Variants in ABR observed in about 807,000 individuals in gnomAD.
The protein encoded by ABR is active breakpoint cluster region-related protein.
In ABR, 35 loss-of-function variants were observed where a neutral mutation model predicts 107.2. That is an observed-to-expected ratio of 0.33 (90% CI 0.25 to 0.43). The LOEUF (loss-of-function observed/expected upper bound fraction) is 0.43. ABR is among the 20% of genes least tolerant of loss of function. The pLI, the probability that ABR is intolerant of heterozygous loss-of-function variation, is 1.00. For missense variants in ABR, 815 were observed against 1,115.2 expected, an observed-to-expected ratio of 0.73 and a Z score of 3.83; for synonymous variants, 498 against 462.0, an observed-to-expected ratio of 1.08 and a Z score of -1.00.
intron 1 of ABR, among the ~76,000 whole-genome samples, chr17:1,131,030 A>G (rs1342374370): frequency 6.7e-6 from 1 of 148,992 alleles, no homozygotes; most frequent in African/African-American, 2.6e-5. Flanking sequence ...AGCGCCTGAC[A>G]CGCACACAGC....
intron 16 of ABR, among the ~76,000 whole-genome samples, chr17:1,043,122 C>T (rs572740072): frequency 1.3e-4 from 20 of 152,306 alleles, no homozygotes; most frequent in African/African-American, 4.1e-4. Flanking sequence ...ACACTGGCAA[C>T]GGCTGCACAG....
Position 1,071,320 on chromosome 17 carries a change from GC to G in ABR, c.895-1231del, listed in dbSNP as rs1380671942. On this transcript the variant is annotated intron_variant, in intron 8 of 22. Coordinates refer to ENST00000302538, the MANE Select transcript of ABR (RefSeq NM_021962.5). The surrounding 1 kb of genome is among the most constrained non-coding windows in gnomAD (Gnocchi z 5.1). ...TCTCTGCCCAGTGGACACTGTCCAG[GC>G]CTGTCCCTCACCACTTTCTCCCCAG... Among the ~76,000 whole-genome samples the G allele has an allele frequency of 6.6e-6, 1 of 152,106 alleles. No homozygotes were observed. The highest frequency in any genetic ancestry group is 1.5e-5 in the Non-Finnish European group (1 of 68,012).
At chr17:1,161,486 T>C (rs1387449302) in intron 1 of ABR, among the ~76,000 whole-genome samples, 1 of 151,768 alleles carries the variant, frequency 6.6e-6, no homozygotes, top group African/African-American at 2.4e-5. Context: ...TCTCGAGCAA[T>C]CCTCCCATCT....
chr17:1,165,147 AGCTCCCG>A (rs770853859), intron 1 of ABR, among the ~76,000 whole-genome samples: 35 of 152,222 alleles, frequency 2.3e-4, no homozygotes, highest in African/African-American at 8.4e-4. Flanking sequence ...TCAAAGACCA[AGCTCCCG>A]GCCTGCAGAG....
intron 1 of ABR, among the ~76,000 whole-genome samples, chr17:1,221,874 AC>A (rs1321580310): frequency 1.3e-5 from 2 of 152,200 alleles, no homozygotes; most frequent in African/African-American, 4.8e-5. Flanking sequence ...AAGATGCAAA[AC>A]ACCTCTGGAG....
At chr17:1,090,357 G>A (rs766286640) in intron 4 of ABR, among the ~76,000 whole-genome samples, 8 of 151,974 alleles carry the variant, frequency 5.3e-5, no homozygotes, top group Admixed American at 6.6e-5. Flanking sequence ...TGAAGGGGCC[G>A]TCGAGGTTTC....
chr17:1,051,534 C>T lies in ABR; in HGVS notation c.1562-900G>A, dbSNP rs755820981. Among the ~76,000 whole-genome samples the T allele has an allele frequency of 7.2e-4, 110 of 152,312 alleles. 1 individual carries two copies. The highest frequency in any genetic ancestry group is 8.2e-4 in the Non-Finnish European group (56 of 68,016). On this transcript the variant is annotated intron_variant, in intron 14 of 22. Coordinates refer to ENST00000302538, the MANE Select transcript of ABR (RefSeq NM_021962.5). This position sits in a 1 kb window ranked among gnomAD's most constrained non-coding sequence, Gnocchi z 4.3. ...AACTGCTGAGGCCACAGCACCGGCA[C>T]GGACCCCAGGCCCTCTGCAAACCCA...
At chr17:1,169,127 G>C (rs1157212711) in intron 1 of ABR, among the ~76,000 whole-genome samples, 1 of 152,184 alleles carries the variant, frequency 6.6e-6, no homozygotes, top group African/African-American at 2.4e-5. Context: ...GGGAGGACGT[G>C]GGTTTTGTCT....
chr17:1,006,579 G>A (rs2070055337), intron 22 of ABR, among the ~76,000 whole-genome samples: 1 of 152,190 alleles, frequency 6.6e-6, no homozygotes, highest in African/African-American at 2.4e-5. Context: ...TCTGGGCCCT[G>A]GTCTAGGCTC....
intron 16 of ABR, among the ~76,000 whole-genome samples, chr17:1,021,664 C>T (rs1205141231): frequency 7.9e-5 from 12 of 151,090 alleles, no homozygotes; most frequent in East Asian, 2.0e-4. Flanking sequence ...ATTAGCCAGG[C>T]GTGGTGGCGG....
Position 1,157,531 on chromosome 17 carries a change from G to A in ABR, c.61+22136C>T, listed in dbSNP as rs552608967. Among the ~76,000 whole-genome samples the A allele has an allele frequency of 2.7e-4, 41 of 152,284 alleles. No individual in the cohort carries two copies. The highest frequency in any genetic ancestry group is 1.6e-3 in the Admixed American group (25 of 15,292). ...CTCCCAAAGTGCTGGGATTACAGGCGTGAGCCACCGCGCCCGACCTCAGTG... is the reference window on the plus strand; with the variant it reads ...CTCCCAAAGTGCTGGGATTACAGGCATGAGCCACCGCGCCCGACCTCAGTG... On this transcript the variant is annotated intron_variant, in intron 1 of 22. Coordinates refer to ENST00000302538, the MANE Select transcript of ABR (RefSeq NM_021962.5). This position sits in a 1 kb window ranked among gnomAD's most constrained non-coding sequence, Gnocchi z 4.7.
rs535037999 is a variant in ABR at position 1,013,084 on chromosome 17, T to C, written c.1851+21A>G. The C allele has an allele frequency of 1.8e-4, 292 of 1,613,606 alleles. 4 individuals are homozygous for C. In the South Asian group the frequency reaches 3.0e-3, roughly 16 times the overall value. On this transcript the variant is annotated intron_variant, in intron 17 of 22. Transcript: ENST00000302538. ...TCCACCTCCCGGCTCACGCCACTGA[T>C]CATTCCCATCCCCGGCTCACCCCGT...
chr17:1,190,596 T>C (rs1204541709), upstream of ABR, among the ~76,000 whole-genome samples: 4 of 152,110 alleles, frequency 2.6e-5, no homozygotes, highest in African/African-American at 9.7e-5. Flanking sequence ...GCTGAGATCG[T>C]GCCACTGCAC....
chr17:1,020,901 G>A (rs372256314), intron 16 of ABR, among the ~76,000 whole-genome samples: 14 of 152,086 alleles, frequency 9.2e-5, no homozygotes, highest in African/African-American at 3.4e-4. Flanking sequence ...CCCCGTGCTC[G>A]GATTCAGGGG....
At chr17:1,074,045 CCCCGAAGAGTCCAGCACA>C (rs1243305200) in intron 6 of ABR, among the ~76,000 whole-genome samples, 86 of 150,734 alleles carry the variant, frequency 5.7e-4, no homozygotes, top group African/African-American at 1.9e-3. Context: ...CCCAGCCACG[CCCCGAAGAGTCCAGCACA>C]CCTGCCACAC....
intron 6 of ABR, among the ~76,000 whole-genome samples, chr17:1,076,447 A>T (rs182797934): frequency 8.5e-5 from 13 of 152,086 alleles, no homozygotes; most frequent in Admixed American, 6.5e-4. Context: ...AACCCCAGAG[A>T]CCCAAAAGAA....
In ABR at chr17:1,079,209, ACGCTCACACG is replaced by A. The variant is rs1051256300; in HGVS notation, c.700+111_700+120del. On this transcript the variant is annotated intron_variant, in intron 6 of 22. Transcript: ENST00000302538. The stretch of plus-strand genomic sequence containing the variant: ...CACTCACACGCGCTCACACACGCTC[ACGCTCACACG>A]CGCTCACACACACGCACACACAAGG... The A allele has an allele frequency of 1.4e-5, 21 of 1,498,440 alleles. No individual in the cohort carries two copies. In the African/African-American group the frequency reaches 1.5e-4, roughly 11 times the overall value. 92.8% of individuals were successfully genotyped at this position (1,498,440 alleles called of 1,614,324 possible). A position where few individuals can be genotyped will look rare whatever the true frequency, so the allele number is the denominator to read the frequency against.
At chr17:1,196,452 A>T (rs1156682031) in intron 1 of ABR, among the ~76,000 whole-genome samples, 2 of 152,190 alleles carry the variant, frequency 1.3e-5, no homozygotes, top group African/African-American at 2.4e-5. Flanking sequence ...TTAATTAATT[A>T]AATTTAATTT....
At position 1,157,541 on chromosome 17, in the gene ABR, G is replaced by A. The variant is rs1233943555; in HGVS notation, c.61+22126C>T. Among the ~76,000 whole-genome samples the A allele has an allele frequency of 2.0e-5, 3 of 152,084 alleles. No individual in the cohort carries two copies. Among genetic ancestry groups the A allele is most frequent in the African/African-American group, 4.8e-5 (2 of 41,430 alleles). Reference sequence around the variant, plus strand: ...GCTGGGATTACAGGCGTGAGCCACCGCGCCCGACCTCAGTGCACACAGTTC... The same window carrying A: ...GCTGGGATTACAGGCGTGAGCCACCACGCCCGACCTCAGTGCACACAGTTC... On this transcript the variant is annotated intron_variant, in intron 1 of 22. Transcript: ENST00000302538. This position sits in a 1 kb window ranked among gnomAD's most constrained non-coding sequence, Gnocchi z 4.7.
Sources: allele counts gnomAD v4.1 joint callset (sites outside exome capture counted in the v4.1 genomes callset), GRCh38; gene constraint gnomAD v4.1.1; non-coding constraint Gnocchi (gnomAD v3.1); transcripts MANE v1.5; gene names NCBI Gene and HGNC (gene_info 2026-07-23, HGNC 2026-07-21).